The following ZFYVE28 variants were observed in gnomAD, a reference collection of about 807,000 sequenced individuals.
ZFYVE28 encodes zinc finger FYVE-type containing 28, also known as lateral signaling target protein 2 homolog.
In ZFYVE28, 40 loss-of-function variants were observed where a neutral mutation model predicts 82.1. That is an observed-to-expected ratio of 0.49 (90% CI 0.38 to 0.63). The LOEUF (loss-of-function observed/expected upper bound fraction) is 0.63. ZFYVE28 is among the 30% of genes least tolerant of loss of function. ZFYVE28 has a pLI of 0.00. For synonymous variants in ZFYVE28, 612 were observed against 546.1 expected, an observed-to-expected ratio of 1.12 and a Z score of -1.68; for missense variants, 1,321 against 1,242.1, an observed-to-expected ratio of 1.06 and a Z score of -0.96.
intron 1 of ZFYVE28, among the ~76,000 whole-genome samples, chr4:2,401,367 G>A (rs923188525): frequency 2.6e-5 from 4 of 152,182 alleles, no homozygotes; most frequent in Non-Finnish European, 4.4e-5. Context: ...TCACACAGGC[G>A]GCTGGGGCTA....
chr4:2,380,638 C>T (rs1283504670), intron 1 of ZFYVE28, among the ~76,000 whole-genome samples: 1 of 152,142 alleles, frequency 6.6e-6, no homozygotes, highest in Non-Finnish European at 1.5e-5. Context: ...GTAATTCCCA[C>T]GTGTTGTGGG....
chr4:2,302,007 C>T (rs1207603545), intron 8 of ZFYVE28, among the ~76,000 whole-genome samples: 1 of 152,206 alleles, frequency 6.6e-6, no homozygotes, highest in Non-Finnish European at 1.5e-5. Context: ...GCCAGCCTCG[C>T]ATGAGGCCCT....
At chr4:2,282,276 A>G (rs1024405393) in intron 8 of ZFYVE28, among the ~76,000 whole-genome samples, 3 of 152,234 alleles carry the variant, frequency 2.0e-5, no homozygotes, top group Non-Finnish European at 4.4e-5. Flanking sequence ...TTGAACTACT[A>G]TGAAATGTCA....
At position 2,372,096 on chromosome 4, in the gene ZFYVE28, G is replaced by C. The variant is rs1455481142; in HGVS notation, c.40-18023C>G. On this transcript the variant is annotated intron_variant, in intron 1 of 12. Transcript: ENST00000290974. This position sits in a 1 kb window ranked among gnomAD's most constrained non-coding sequence, Gnocchi z 5.2. ...GGGCGTGCAGCGTGTGGCCGGTTCTGGTGCGCATGGCCCATGTGGACATCT... is the reference window on the plus strand; with the variant it reads ...GGGCGTGCAGCGTGTGGCCGGTTCTCGTGCGCATGGCCCATGTGGACATCT... Among the ~76,000 whole-genome samples, 3 of 152,230 alleles carry C rather than the reference G, an allele frequency of 2.0e-5. No homozygotes were observed. Among genetic ancestry groups the C allele is most frequent in the African/African-American group, 7.2e-5 (3 of 41,458 alleles).
In ZFYVE28 at chr4:2,381,008, G is replaced by T. The variant is rs903748879; in HGVS notation, c.40-26935C>A. Among the ~76,000 whole-genome samples the T allele has an allele frequency of 5.9e-5, 9 of 152,236 alleles. No individual in the cohort carries two copies. The East Asian group carries it at 1.7e-3, about 29-fold the overall frequency. On this transcript the variant is annotated intron_variant, in intron 1 of 12. Transcript: ENST00000290974. ...CAACTTTGGAAGAGAATAACAGGCA[G>T]AAGTTGGAACAGTTTGGAGGGCTCA...
chr4:2,308,675 A>AAGAAAGAGAGAGAGAG (rs1200372952), intron 7 of ZFYVE28, among the ~76,000 whole-genome samples: 13 of 93,216 alleles, frequency 1.4e-4, no homozygotes, highest in African/African-American at 5.0e-4. Flanking sequence ...GAAAGAAAGA[A>AAGAAAGAGAGAGAGAG]AGAGAAAGAA....
chr4:2,302,002 C>T (rs1715622291), intron 8 of ZFYVE28, among the ~76,000 whole-genome samples: 1 of 152,230 alleles, frequency 6.6e-6, no homozygotes, highest in Admixed American at 6.5e-5. Context: ...GCCAGGCCAG[C>T]CTCGCATGAG....
chr4:2,319,545 C>T (rs1718736196), intron 7 of ZFYVE28, among the ~76,000 whole-genome samples: 1 of 152,214 alleles, frequency 6.6e-6, no homozygotes, highest in South Asian at 2.1e-4. Context: ...AAATACCAAG[C>T]TGTCCCAGGC....
intron 8 of ZFYVE28, among the ~76,000 whole-genome samples, chr4:2,301,134 T>C (rs1301756183): frequency 7.0e-6 from 1 of 143,098 alleles, no homozygotes; most frequent in African/African-American, 2.8e-5. Flanking sequence ...CCCACTGCGC[T>C]ATCACCCCCG....
rs756927770 is a variant in ZFYVE28 at position 2,409,288 on chromosome 4, C to T, written c.39+8997G>A. ...ATCTACTTTCTCCATCCAGAGTCGC[C>T]TGCTGCCATCCTCTCGCTGGAATCC... On this transcript the variant is annotated intron_variant, in intron 1 of 12. Coordinates refer to ENST00000290974, the MANE Select transcript of ZFYVE28 (RefSeq NM_020972.3). This position sits in a 1 kb window ranked among gnomAD's most constrained non-coding sequence, Gnocchi z 4.4. Among the ~76,000 whole-genome samples the T allele has an allele frequency of 1.3e-5, 2 of 151,830 alleles. No homozygotes were observed. Among genetic ancestry groups the T allele is most frequent in the Non-Finnish European group, 2.9e-5 (2 of 67,944 alleles).
rs1158334209 is a variant in ZFYVE28, at chr4:2,418,263, C to T, written c.39+22G>A. The T allele has an allele frequency of 9.1e-6, 14 of 1,533,934 alleles. No homozygotes were observed. Among genetic ancestry groups the T allele is most frequent in the Non-Finnish European group, 1.2e-5 (14 of 1,139,704 alleles). ...GAGAGGCCGCGACGCGGGGGGCGTC[C>T]GGCCCGAGCGGGGCCGCTCACCTTG... is the stretch of plus-strand genomic sequence containing the variant. On this transcript the variant is annotated intron_variant, in intron 1 of 12. Transcript: ENST00000290974. The surrounding 1 kb of genome is among the most constrained non-coding windows in gnomAD (Gnocchi z 4.6).
intron 8 of ZFYVE28, among the ~76,000 whole-genome samples, chr4:2,284,723 G>C (rs1220713494): frequency 6.6e-6 from 1 of 152,194 alleles, no homozygotes; most frequent in Non-Finnish European, 1.5e-5. Flanking sequence ...ACAAGGCCTG[G>C]CTTTGACTTC....
rs1028027621 is a variant in ZFYVE28, at chr4:2,357,325, C to T, written c.40-3252G>A. 3.3e-5 allele frequency among the ~76,000 whole-genome samples: 5 copies of T among 152,214 alleles called. No individual in the cohort carries two copies. The East Asian group carries it at 5.8e-4, about 18-fold the overall frequency. ...CCCGGGACCTGCCAATGCCCCTCCTCGCTCCCAAGGAAGAGGGGAAGAGCC... is the reference window on the plus strand; with the variant it reads ...CCCGGGACCTGCCAATGCCCCTCCTTGCTCCCAAGGAAGAGGGGAAGAGCC... On this transcript the variant is annotated intron_variant, in intron 1 of 12. Transcript: ENST00000290974.
At chr4:2,356,003 C>T (rs1488931666) in intron 1 of ZFYVE28, among the ~76,000 whole-genome samples, 2 of 152,238 alleles carry the variant, frequency 1.3e-5, no homozygotes, top group Non-Finnish European at 2.9e-5. Context: ...CCATCTCCGT[C>T]GGGGCCGTTT....
chr4:2,403,882 T>C (rs372550953), intron 1 of ZFYVE28, among the ~76,000 whole-genome samples: 7 of 148,316 alleles, frequency 4.7e-5, no homozygotes, highest in African/African-American at 1.8e-4. Flanking sequence ...GGCAGGAGAA[T>C]AGCTTGAAAC....
At chr4:2,359,128 C>T (rs976689852) in intron 1 of ZFYVE28, among the ~76,000 whole-genome samples, 1 of 151,866 alleles carries the variant, frequency 6.6e-6, no homozygotes, top group Non-Finnish European at 1.5e-5. Flanking sequence ...GCGCCCACCA[C>T]CAGGCCCGGC....
chr4:2,392,025 G>C (rs1008176311), intron 1 of ZFYVE28, among the ~76,000 whole-genome samples: 2 of 151,932 alleles, frequency 1.3e-5, no homozygotes, highest in Non-Finnish European at 2.9e-5. Context: ...ATGGTGGTGA[G>C]CGCCTATAAT....
intron 2 of ZFYVE28, among the ~76,000 whole-genome samples, chr4:2,348,221 T>G (rs1471606484): frequency 6.6e-6 from 1 of 152,196 alleles, no homozygotes; most frequent in Non-Finnish European, 1.5e-5. Flanking sequence ...ATGAAATTTC[T>G]TAAAAGGCAT....
At position 2,274,193 on chromosome 4, in the gene ZFYVE28, G is replaced by C; in HGVS notation, c.2075C>G (p.Ser692Cys). The C allele has an allele frequency of 6.2e-7, 1 of 1,613,754 alleles. No individual in the cohort carries two copies. Among genetic ancestry groups the C allele is most frequent in the South Asian group, 1.1e-5 (1 of 91,080 alleles). ...CGCCTCTGGCCCCATCTTGTCTGAG[G>C]AGCAGGACCCAGCTGTGGAGCTGCT... ...GSSSSTAGSC[S>C]SDKMGPEAAP... The change falls in exon 9 of 13, where the codon TCC becomes TGC. Residue 692 changes from serine (S) to cysteine (C), a missense_variant. Transcript: ENST00000290974.
Sources: gnomAD v4.1 joint callset for allele counts (sites outside exome capture counted in the v4.1 genomes callset) on GRCh38, gnomAD v4.1.1 for gene constraint, Gnocchi (gnomAD v3.1) non-coding constraint, MANE v1.5 for transcripts, NCBI Gene and HGNC (gene_info 2026-07-23, HGNC 2026-07-21) for gene names.